TASP1: variants seen among roughly 807,000 people sequenced by gnomAD.
The protein encoded by TASP1 is threonine aspartase 1.
TASP1 carries 16 observed loss-of-function variants against 56.6 expected under a neutral mutation model. The observed-to-expected ratio is 0.28, with a 90% CI of 0.19 to 0.43. TASP1 has a LOEUF of 0.43. TASP1 is among the 20% of genes least tolerant of loss of function. TASP1 has a pLI of 1.00. For missense variants in TASP1, 393 were observed against 511.6 expected (o/e 0.77, Z 2.24); for synonymous variants, 179 against 184.2 (o/e 0.97, Z 0.23).
At position 13,510,573 on chromosome 20, in the gene TASP1, A is replaced by AT. The variant is rs200710014; in HGVS notation, c.874+17859dup. Among the ~76,000 whole-genome samples, 1,118 of 152,292 alleles carry AT rather than the reference A, an allele frequency of 7.3e-3. 8 individuals are homozygous for AT. The highest frequency in any genetic ancestry group is 0.014 in the Middle Eastern group (4 of 294). On this transcript the variant is annotated intron_variant, in intron 10 of 13. Coordinates refer to ENST00000337743, the MANE Select transcript of TASP1 (RefSeq NM_017714.3). The stretch of plus-strand genomic sequence containing the variant: ...AACAGATTTAAATGAAAATTACATG[A>AT]TTTTTTTAACTCTCTAAATACCTAA...
intron 10 of TASP1, among the ~76,000 whole-genome samples, chr20:13,509,898 T>C (rs1255749404): frequency 6.6e-6 from 1 of 152,184 alleles, no homozygotes; most frequent in Non-Finnish European, 1.5e-5. Context: ...AGTGCTGGGA[T>C]TACAGGCGTG....
intron 4 of TASP1, among the ~76,000 whole-genome samples, chr20:13,587,724 TATCAAAAAAAAA>T (rs546352021): frequency 6.6e-6 from 1 of 150,608 alleles, no homozygotes; most frequent in East Asian, 1.9e-4. Context: ...AACATGATTG[TATCAAAAAAAAA>T]ACACAGAAAA....
At chr20:13,502,062 A>T (rs577549293) in intron 10 of TASP1, among the ~76,000 whole-genome samples, 20 of 152,164 alleles carry the variant, frequency 1.3e-4, no homozygotes, top group African/African-American at 4.6e-4. Context: ...AACAGATTGA[A>T]ATACATCAAA....
At chr20:13,251,503 T>TG in the TASP1 span, among the ~76,000 whole-genome samples, 6,180 of 152,270 alleles carry the variant, frequency 0.041, 194 homozygotes, top group African/African-American at 0.079. Context: ...ATTCTGGGGA[T>TG]GGATCCTCTG....
At chr20:13,279,725 A>C in the TASP1 span, 8 of 1,613,990 alleles carry the variant, frequency 5.0e-6, no homozygotes, top group East Asian at 6.7e-5. Flanking sequence ...CCATCCCCCG[A>C]CTGGCGGGCC....
intron 4 of TASP1, among the ~76,000 whole-genome samples, chr20:13,617,683 C>T (rs962133469): frequency 5.9e-5 from 9 of 152,026 alleles, no homozygotes; most frequent in African/African-American, 1.9e-4. Context: ...TTTAAACTTC[C>T]CAAATAACAA....
the TASP1 span, chr20:13,244,479 TA>T: frequency 6.6e-6 from 1 of 152,160 alleles, no homozygotes; most frequent in African/African-American, 2.4e-5. Context: ...AATTATTTGG[TA>T]AGGCAGCTTT....
chr20:13,133,881 C>T, the TASP1 span, among the ~76,000 whole-genome samples: 18 of 152,334 alleles, frequency 1.2e-4, no homozygotes, highest in Admixed American at 2.0e-4. Flanking sequence ...TAACAACCCC[C>T]ACCTGGCAAC....
intron 2 of TASP1, among the ~76,000 whole-genome samples, chr20:13,627,376 T>C (rs1246617996): frequency 6.6e-6 from 1 of 152,204 alleles, no homozygotes; most frequent in Non-Finnish European, 1.5e-5. Context: ...TATCCTATCA[T>C]AACTCAGAGT....
chr20:13,523,359 T>C (rs1396921506), intron 10 of TASP1, among the ~76,000 whole-genome samples: 1 of 152,138 alleles, frequency 6.6e-6, no homozygotes. Context: ...AATGACCACA[T>C]GGCATTTGTC....
chr20:13,532,062 C>T (rs986272852), intron 9 of TASP1, among the ~76,000 whole-genome samples: 5 of 152,082 alleles, frequency 3.3e-5, no homozygotes, highest in African/African-American at 1.2e-4. Flanking sequence ...TTGAAGGTGA[C>T]TCTGCTGGCT....
At chr20:13,166,143 T>G in the TASP1 span, 1 of 152,630 alleles carries the variant, frequency 6.6e-6, no homozygotes, top group East Asian at 1.9e-4. Flanking sequence ...AAAGCTTCTG[T>G]AACAGTTCGA....
At chr20:13,409,519 T>A (rs1005122162) in intron 13 of TASP1, among the ~76,000 whole-genome samples, 1 of 152,154 alleles carries the variant, frequency 6.6e-6, no homozygotes, top group African/African-American at 2.4e-5. Flanking sequence ...CTGACACTAA[T>A]ATAGCCATAC....
the TASP1 span, among the ~76,000 whole-genome samples, chr20:13,343,092 A>G: frequency 4.6e-5 from 7 of 152,198 alleles, no homozygotes; most frequent in Non-Finnish European, 1.0e-4. Flanking sequence ...CAAGTAGGGG[A>G]AAATGTCCCT....
the TASP1 span, among the ~76,000 whole-genome samples, chr20:13,349,593 T>G: frequency 6.6e-6 from 1 of 152,150 alleles, no homozygotes; most frequent in Non-Finnish European, 1.5e-5. Flanking sequence ...CATATCCAGT[T>G]TTGTTTTACG....
the TASP1 span, among the ~76,000 whole-genome samples, chr20:13,137,039 G>A: frequency 6.6e-6 from 1 of 152,102 alleles, no homozygotes; most frequent in African/African-American, 2.4e-5. Context: ...AATAAGAGAA[G>A]GATGGGGAAA....
At chr20:13,288,878 G>A in the TASP1 span, among the ~76,000 whole-genome samples, 1 of 151,900 alleles carries the variant, frequency 6.6e-6, no homozygotes, top group Non-Finnish European at 1.5e-5. Context: ...TCCACCTCCT[G>A]GGTTCAAGCA....
intron 13 of TASP1, among the ~76,000 whole-genome samples, chr20:13,416,742 A>G (rs2146059860): frequency 6.6e-6 from 1 of 152,280 alleles, no homozygotes; most frequent in South Asian, 2.1e-4. Flanking sequence ...AAAATTTATG[A>G]ACAAGAAGAA....
chr20:13,198,675 A>G, the TASP1 span, among the ~76,000 whole-genome samples: 1 of 152,136 alleles, frequency 6.6e-6, no homozygotes, highest in African/African-American at 2.4e-5. Context: ...TGTGGACATG[A>G]TCTGATAAAG....
Sources: allele counts gnomAD v4.1 joint callset (sites outside exome capture counted in the v4.1 genomes callset), GRCh38; gene constraint gnomAD v4.1.1; transcripts MANE v1.5; gene names NCBI Gene and HGNC (gene_info 2026-07-23, HGNC 2026-07-21).